The following UBE2E1 variants were observed in gnomAD, a reference collection of about 807,000 sequenced individuals.
UBE2E1 encodes ubiquitin conjugating enzyme E2 E1.
A neutral mutation model predicts 21.4 loss-of-function variants in UBE2E1; 6 were observed. The observed-to-expected ratio is 0.28, with a 90% CI of 0.15 to 0.55. The LOEUF (loss-of-function observed/expected upper bound fraction) is 0.55. Among genes scored for constraint, UBE2E1 ranks in the 20% least tolerant of loss-of-function variants. The pLI is 0.93. For synonymous variants in UBE2E1, 87 were observed against 82.7 expected (o/e 1.05, Z -0.28); for missense variants, 142 against 236.5 (o/e 0.60, Z 2.62).
intron 3 of UBE2E1, among the ~76,000 whole-genome samples, chr3:23,882,341 G>C (rs756900211): frequency 4.7e-4 from 72 of 152,330 alleles, no homozygotes; most frequent in Non-Finnish European, 8.2e-4. Context: ...GCTCCACACA[G>C]AGCACTGATT....
chr3:23,865,852 C>A (rs1700644301), intron 3 of UBE2E1, among the ~76,000 whole-genome samples: 1 of 152,174 alleles, frequency 6.6e-6, no homozygotes, highest in Admixed American at 6.5e-5. Flanking sequence ...TCATTCTAGG[C>A]TTGTTACGTT....
intron 3 of UBE2E1, among the ~76,000 whole-genome samples, chr3:23,818,395 A>C (rs1476936324): frequency 6.6e-6 from 1 of 152,178 alleles, no homozygotes; most frequent in East Asian, 1.9e-4. Context: ...AGACAAATTA[A>C]ATAGATTATA....
At chr3:23,831,901 G>A (rs899104641) in intron 3 of UBE2E1, among the ~76,000 whole-genome samples, 1 of 152,012 alleles carries the variant, frequency 6.6e-6, no homozygotes, top group Non-Finnish European at 1.5e-5. Flanking sequence ...TCACCATGTT[G>A]GCCAGACTGG....
At chr3:23,889,417 A>C (rs754937749) in intron 5 of UBE2E1, 158 bp downstream of exon 5, 1 of 1,471,282 alleles carries the variant, frequency 6.8e-7, no homozygotes, top group African/African-American at 1.4e-5. Flanking sequence ...AGTTCAGTCT[A>C]CTAGTTGAGA....
intron 3 of UBE2E1, among the ~76,000 whole-genome samples, chr3:23,852,304 G>C (rs1174289230): frequency 6.6e-6 from 1 of 151,884 alleles, no homozygotes; most frequent in Non-Finnish European, 1.5e-5. Flanking sequence ...TTCAATGATG[G>C]TTTTTAGTCT....
In UBE2E1 at chr3:23,810,611, C is replaced by A; in HGVS notation, c.153-849C>A. 7.5e-7 allele frequency: 1 copy of A among 1,339,310 alleles called. No individual in the cohort carries two copies. Among genetic ancestry groups the A allele is most frequent in the East Asian group, 2.6e-5 (1 of 39,168 alleles). The allele number at this position is 1,339,310 out of a possible 1,614,324, so 83.0% of individuals were successfully genotyped here. A position where few individuals can be genotyped will look rare whatever the true frequency, so the allele number is the denominator to read the frequency against. ...TGCACCTGTGCGGCCGCGGGCCGGC[C>A]ACTTGGGGTCTGTGGTGCCCGAGTG... On this transcript the variant is annotated intron_variant, in intron 2 of 5. Coordinates refer to ENST00000306627, the MANE Select transcript of UBE2E1 (RefSeq NM_003341.5). This position sits in a 1 kb window ranked among gnomAD's most constrained non-coding sequence, Gnocchi z 5.8.
chr3:23,887,801 C>T lies in UBE2E1; in HGVS notation c.336+102C>T, dbSNP rs1701221669. The T allele has an allele frequency of 1.4e-6, 2 of 1,422,764 alleles. No homozygotes were observed. The highest frequency in any genetic ancestry group is 1.4e-5 in the African/African-American group (1 of 69,196). 88.1% of individuals were successfully genotyped at this position (1,422,764 alleles called of 1,614,324 possible). A position where few individuals can be genotyped will look rare whatever the true frequency, so the allele number is the denominator to read the frequency against. On this transcript the variant is annotated intron_variant, in intron 4 of 5. Transcript: ENST00000306627. The surrounding 1 kb of genome is among the most constrained non-coding windows in gnomAD (Gnocchi z 4.4). ...TTTTAATCACAGAAACTAGATTTAT[C>T]TTATGTCCTAATAGATCTGAGTATT...
intron 3 of UBE2E1, among the ~76,000 whole-genome samples, chr3:23,827,360 A>T (rs1160863988): frequency 6.6e-6 from 1 of 152,256 alleles, no homozygotes; most frequent in Non-Finnish European, 1.5e-5. Flanking sequence ...ACAGCTTTTT[A>T]GATTTACTAT....
chr3:23,858,092 G>C (rs1043134432), intron 3 of UBE2E1, among the ~76,000 whole-genome samples: 1 of 152,160 alleles, frequency 6.6e-6, no homozygotes, highest in African/African-American at 2.4e-5. Context: ...GAGAGGTACT[G>C]AGCTAGTTAA....
chr3:23,880,218 A>G (rs1701007242), intron 3 of UBE2E1, among the ~76,000 whole-genome samples: 1 of 152,194 alleles, frequency 6.6e-6, no homozygotes, highest in Non-Finnish European at 1.5e-5. Context: ...CCCCATCTCT[A>G]CTAAAAATAC....
chr3:23,838,790 G>T (rs1017485652), intron 3 of UBE2E1, among the ~76,000 whole-genome samples: 1 of 151,888 alleles, frequency 6.6e-6, no homozygotes, highest in Admixed American at 6.6e-5. Context: ...AGCCACTACC[G>T]TGCCAGGCCT....
At chr3:23,838,419 T>G (rs1393261534) in intron 3 of UBE2E1, among the ~76,000 whole-genome samples, 2 of 152,202 alleles carry the variant, frequency 1.3e-5, no homozygotes, top group African/African-American at 2.4e-5. Context: ...TTTTCCAATC[T>G]GACAATCTTT....
intron 3 of UBE2E1, among the ~76,000 whole-genome samples, chr3:23,878,200 C>T (rs1700959017): frequency 1.3e-5 from 2 of 152,138 alleles, no homozygotes; most frequent in Non-Finnish European, 2.9e-5. Flanking sequence ...ACTCATCTTC[C>T]ACAAGGCAAC....
At chr3:23,877,583 G>A (rs575505200) in intron 3 of UBE2E1, among the ~76,000 whole-genome samples, 86 of 152,292 alleles carry the variant, frequency 5.6e-4, no homozygotes, top group African/African-American at 1.9e-3. Context: ...ATTGCCAAAC[G>A]TCAGGGGGTG....
chr3:23,873,380 G>A (rs1004671263), intron 3 of UBE2E1, among the ~76,000 whole-genome samples: 4 of 152,136 alleles, frequency 2.6e-5, no homozygotes, highest in South Asian at 2.1e-4. Context: ...ACAGGGAGCC[G>A]GACCTAGGAT....
At chr3:23,864,311 A>G (rs1700610702) in intron 3 of UBE2E1, among the ~76,000 whole-genome samples, 1 of 151,582 alleles carries the variant, frequency 6.6e-6, no homozygotes, top group African/African-American at 2.4e-5. Context: ...GTTTTCCTCC[A>G]ATGTACTGTG....
chr3:23,868,154 C>T (rs1209334983), intron 3 of UBE2E1, among the ~76,000 whole-genome samples: 5 of 152,252 alleles, frequency 3.3e-5, no homozygotes, highest in African/African-American at 4.8e-5. Context: ...GAAAACTGGG[C>T]TTAAATGAAA....
intron 3 of UBE2E1, among the ~76,000 whole-genome samples, chr3:23,869,351 CTTTTT>C (rs58059005): frequency 9.6e-5 from 11 of 114,620 alleles, no homozygotes; most frequent in Admixed American, 3.6e-4. Flanking sequence ...TTATGGTATC[CTTTTT>C]TTTTTTTTTT....
At chr3:23,844,883 C>G (rs1303680807) in intron 3 of UBE2E1, among the ~76,000 whole-genome samples, 4 of 152,018 alleles carry the variant, frequency 2.6e-5, no homozygotes, top group African/African-American at 7.3e-5. Context: ...GTAAACAGAC[C>G]AATGAAGCTG....
Sources: gnomAD v4.1 joint callset for allele counts (sites outside exome capture counted in the v4.1 genomes callset) on GRCh38, gnomAD v4.1.1 for gene constraint, Gnocchi (gnomAD v3.1) non-coding constraint, MANE v1.5 for transcripts, NCBI Gene and HGNC (gene_info 2026-07-23, HGNC 2026-07-21) for gene names.